TYW1: variants seen among roughly 807,000 people sequenced by gnomAD.
The protein encoded by TYW1 is tRNA-yW synthesizing protein 1 homolog, also known as S-adenosyl-L-methionine-dependent tRNA 4-demethylwyosine synthase TYW1.
TYW1 carries 46 observed loss-of-function variants against 96.2 expected under a neutral mutation model. The observed-to-expected ratio is 0.48, with a 90% CI of 0.38 to 0.61. TYW1 has a LOEUF of 0.61. Ranked by LOEUF, TYW1 falls within the 20% of genes least tolerant of loss-of-function variation. The pLI, the probability that TYW1 is intolerant of heterozygous loss-of-function variation, is 0.00. For synonymous variants in TYW1, 274 were observed against 323.0 expected (o/e 0.85, Z 1.63); for missense variants, 684 against 909.6 (o/e 0.75, Z 3.19).
chr7:67,141,311 C>G (rs6978418), intron 13 of TYW1, among the ~76,000 whole-genome samples: 39,508 of 152,064 alleles, frequency 0.26, 5,596 homozygotes, highest in African/African-American at 0.38. Context: ...TTATGCAAAC[C>G]TAAGAGGCCA....
At chr7:67,216,050 G>A (rs963215704) in intron 15 of TYW1, among the ~76,000 whole-genome samples, 6 of 151,840 alleles carry the variant, frequency 4.0e-5, no homozygotes, top group Non-Finnish European at 8.8e-5. Flanking sequence ...CATCATGTTC[G>A]AATCTGTCCT....
intron 15 of TYW1, among the ~76,000 whole-genome samples, chr7:67,219,709 TA>T (rs1477452433): frequency 6.7e-5 from 10 of 149,496 alleles, no homozygotes; most frequent in African/African-American, 1.2e-4. Flanking sequence ...TTTTTTTTTT[TA>T]AATGCAGAAT....
intron 5 of TYW1, 31 bp downstream of exon 5, chr7:67,014,592 T>C: frequency 6.3e-7 from 1 of 1,578,808 alleles, no homozygotes. Flanking sequence ...AGGAATAAAT[T>C]CTCCCCATAA....
At chr7:67,175,719 CAG>C (rs1405965469) in intron 13 of TYW1, among the ~76,000 whole-genome samples, 5 of 152,102 alleles carry the variant, frequency 3.3e-5, no homozygotes, top group African/African-American at 7.2e-5. Flanking sequence ...AAGAATTTGA[CAG>C]AAATCAATAT....
chr7:67,097,264 C>T (rs184920115), intron 11 of TYW1, among the ~76,000 whole-genome samples: 4 of 152,268 alleles, frequency 2.6e-5, no homozygotes, highest in African/African-American at 4.8e-5. Flanking sequence ...ACAGGTTGGG[C>T]CCCTCTGGTT....
intron 10 of TYW1, among the ~76,000 whole-genome samples, chr7:67,078,205 C>T (rs112344375): frequency 0.063 from 9,615 of 151,926 alleles, 421 homozygotes; most frequent in South Asian, 0.11. Flanking sequence ...AAGTGATTCT[C>T]CTGCCTCAGC....
chr7:67,075,053 G>GT (rs1796160466), intron 10 of TYW1, among the ~76,000 whole-genome samples: 1 of 152,084 alleles, frequency 6.6e-6, no homozygotes, highest in African/African-American at 2.4e-5. Context: ...CAATGACTGT[G>GT]TTTTTAAACT....
intron 11 of TYW1, among the ~76,000 whole-genome samples, chr7:67,096,566 T>C (rs1409148484): frequency 2.6e-5 from 4 of 152,096 alleles, no homozygotes; most frequent in Non-Finnish European, 4.4e-5. Flanking sequence ...CAAGGTGATA[T>C]ATATTTTTTC....
chr7:67,169,170 T>A lies in TYW1; in HGVS notation c.1699-13956T>A, dbSNP rs547265855. On this transcript the variant is annotated intron_variant, in intron 13 of 15. Coordinates refer to ENST00000359626, the MANE Select transcript of TYW1 (RefSeq NM_018264.4). ...TTATATTATTGTTTACTTTTTAACA[T>A]CTTGTACATAGTAAATTATAGATGT... 7.7e-4 allele frequency among the ~76,000 whole-genome samples: 118 copies of A among 152,344 alleles called. 1 individual carries two copies. The highest frequency in any genetic ancestry group is 2.8e-3 in the African/African-American group (116 of 41,582).
intron 8 of TYW1, among the ~76,000 whole-genome samples, chr7:67,052,015 T>A (rs1795376399): frequency 6.6e-6 from 1 of 152,192 alleles, no homozygotes; most frequent in South Asian, 2.1e-4. Flanking sequence ...CAGCAATCAG[T>A]CATCCTTTTG....
At chr7:67,028,655 A>G (rs1447912099) in intron 7 of TYW1, among the ~76,000 whole-genome samples, 1 of 152,194 alleles carries the variant, frequency 6.6e-6, no homozygotes, top group Non-Finnish European at 1.5e-5. Flanking sequence ...CTGTGAGTAA[A>G]CAGGCACTCA....
At chr7:67,155,418 G>C (rs28813778) in intron 13 of TYW1, among the ~76,000 whole-genome samples, 39,456 of 152,046 alleles carry the variant, frequency 0.26, 5,607 homozygotes, top group African/African-American at 0.38. Context: ...TGCACCTGCT[G>C]CCCCTTCACC....
chr7:67,036,611 C>A (rs1459601673), intron 7 of TYW1, among the ~76,000 whole-genome samples: 1 of 152,212 alleles, frequency 6.6e-6, no homozygotes, highest in Non-Finnish European at 1.5e-5. Flanking sequence ...GAGAGGTGAC[C>A]GCACTTGCTG....
chr7:67,040,776 G>A (rs1351646472), intron 7 of TYW1, among the ~76,000 whole-genome samples: 1 of 151,958 alleles, frequency 6.6e-6, no homozygotes, highest in Non-Finnish European at 1.5e-5. Flanking sequence ...CCCAGGAGGC[G>A]GAGGTTGTAG....
chr7:67,051,611 C>G (rs1317869705), intron 8 of TYW1, among the ~76,000 whole-genome samples: 3 of 152,046 alleles, frequency 2.0e-5, no homozygotes, highest in Admixed American at 1.3e-4. Flanking sequence ...TAGAATCTTA[C>G]ATATTTACTT....
rs10235708 is a variant in TYW1, at chr7:67,198,008, C to T, written c.1977+2671C>T. On this transcript the variant is annotated intron_variant, in intron 15 of 15. Coordinates refer to ENST00000359626, the MANE Select transcript of TYW1 (RefSeq NM_018264.4). ...GTGCACGCATCGTCTTTTCTGAACC[C>T]TTTGAGGAAATGTTGCATTGGTCAT... Among the ~76,000 whole-genome samples, 26 of 137,068 alleles carry T rather than the reference C, an allele frequency of 1.9e-4. 1 individual carries two copies. In the South Asian group the frequency reaches 6.4e-3, roughly 34 times the overall value. 89.9% of individuals were successfully genotyped at this position (137,068 alleles called of 152,430 possible).
At chr7:67,205,478 G>T (rs1800760797) in intron 15 of TYW1, among the ~76,000 whole-genome samples, 1 of 151,696 alleles carries the variant, frequency 6.6e-6, no homozygotes, top group Non-Finnish European at 1.5e-5. Flanking sequence ...TGGGGGAGAG[G>T]TGCCTTGTTA....
intron 10 of TYW1, among the ~76,000 whole-genome samples, chr7:67,074,150 A>G (rs941749088): frequency 3.3e-5 from 5 of 152,118 alleles, no homozygotes; most frequent in Admixed American, 1.3e-4. Context: ...CAGAGTTTGA[A>G]ATATTATAGG....
At chr7:67,034,186 C>A (rs1277025392) in intron 7 of TYW1, among the ~76,000 whole-genome samples, 1 of 151,266 alleles carries the variant, frequency 6.6e-6, no homozygotes, top group African/African-American at 2.4e-5. Context: ...TCACTGCAAC[C>A]TCCTCCTTCT....
Sources: gnomAD v4.1 joint callset for allele counts (sites outside exome capture counted in the v4.1 genomes callset) on GRCh38, gnomAD v4.1.1 for gene constraint, MANE v1.5 for transcripts, NCBI Gene and HGNC (gene_info 2026-07-23, HGNC 2026-07-21) for gene names.